PDE1A: variants seen among roughly 807,000 people sequenced by gnomAD.
PDE1A encodes the protein phosphodiesterase 1A.
A neutral mutation model predicts 61.7 loss-of-function variants in PDE1A; 35 were observed. That is an observed-to-expected ratio of 0.57 (90% CI 0.43 to 0.75). PDE1A has a LOEUF of 0.75. Ranked by LOEUF, PDE1A falls within the 30% of genes least tolerant of loss-of-function variation. The probability of loss-of-function intolerance (pLI) is 0.00; values close to 1 mark genes in which losing one functional copy is unlikely to be tolerated. For synonymous variants in PDE1A, 232 were observed against 213.2 expected (o/e 1.09, Z -0.77); for missense variants, 597 against 630.6 (o/e 0.95, Z 0.57).
chr2:182,199,815 A>G (rs1186235920), intron 10 of PDE1A, among the ~76,000 whole-genome samples: 4 of 152,174 alleles, frequency 2.6e-5, no homozygotes, highest in African/African-American at 9.6e-5. Flanking sequence ...AACTTTCTCT[A>G]GGAATATAAA....
chr2:182,627,281 A>AT, the PDE1A span, among the ~76,000 whole-genome samples: 1 of 103,496 alleles, frequency 9.7e-6, no homozygotes, highest in African/African-American at 4.0e-5. Flanking sequence ...ATAATATATA[A>AT]AATATAAATA....
intron 2 of PDE1A, among the ~76,000 whole-genome samples, chr2:182,446,519 G>A (rs889229405): frequency 6.6e-6 from 1 of 152,054 alleles, no homozygotes; most frequent in African/African-American, 2.4e-5. Flanking sequence ...TAAGTATTCT[G>A]TGTCTAAAAT....
the PDE1A span, among the ~76,000 whole-genome samples, chr2:182,615,756 G>A: frequency 6.6e-5 from 10 of 152,252 alleles, no homozygotes; most frequent in South Asian, 2.1e-4. Flanking sequence ...AAGGGCAAGA[G>A]AGCATGCATG....
intron 1 of PDE1A, among the ~76,000 whole-genome samples, chr2:182,359,745 G>T (rs1699392814): frequency 1.3e-5 from 2 of 152,050 alleles, no homozygotes; most frequent in Admixed American, 6.6e-5. Context: ...ACAGGGAAAA[G>T]GTTACAGAAG....
At chr2:182,261,092 G>A (rs376445134) in intron 2 of PDE1A, among the ~76,000 whole-genome samples, 3 of 152,072 alleles carry the variant, frequency 2.0e-5, no homozygotes, top group Non-Finnish European at 4.4e-5. Context: ...CCCTTAATAC[G>A]TGTTAGCTAC....
chr2:182,468,699 A>G (rs1437278904), intron 2 of PDE1A, among the ~76,000 whole-genome samples: 1 of 152,012 alleles, frequency 6.6e-6, no homozygotes, highest in Non-Finnish European at 1.5e-5. Flanking sequence ...GCTCAGATCC[A>G]TCAGAAGAAT....
intron 7 of PDE1A, among the ~76,000 whole-genome samples, chr2:182,215,896 A>C (rs369207667): frequency 1.7e-5 from 2 of 116,292 alleles, no homozygotes; most frequent in East Asian, 2.9e-4. Context: ...AAAAGAGGGA[A>C]TCCTCCCTAA....
the PDE1A span, among the ~76,000 whole-genome samples, chr2:182,635,204 C>T: frequency 6.6e-6 from 1 of 151,092 alleles, no homozygotes; most frequent in Non-Finnish European, 1.5e-5. Context: ...TTTGATGTTG[C>T]TTTTAATACC....
chr2:182,610,185 G>C, the PDE1A span, among the ~76,000 whole-genome samples: 1 of 151,998 alleles, frequency 6.6e-6, no homozygotes, highest in African/African-American at 2.4e-5. Context: ...ATTAGCATTA[G>C]ACCATACCCT....
the PDE1A span, among the ~76,000 whole-genome samples, chr2:182,654,553 T>G: frequency 6.6e-6 from 1 of 152,314 alleles, no homozygotes; most frequent in East Asian, 1.9e-4. Flanking sequence ...CTATTTTAAG[T>G]GCCAGCTCAG....
the PDE1A span, among the ~76,000 whole-genome samples, chr2:182,602,836 A>C: frequency 6.6e-6 from 1 of 152,196 alleles, no homozygotes; most frequent in African/African-American, 2.4e-5. Context: ...GGCCAAGAAT[A>C]AGTGGCTTTC....
At chr2:182,662,604 G>C in the PDE1A span, among the ~76,000 whole-genome samples, 104,128 of 152,020 alleles carry the variant, frequency 0.68, 36,003 homozygotes, top group Middle Eastern at 0.76. Context: ...CTCCCTATTC[G>C]ATAATTGGTG....
At chr2:182,318,566 T>C (rs1035185122) in intron 1 of PDE1A, among the ~76,000 whole-genome samples, 31 of 152,122 alleles carry the variant, frequency 2.0e-4, no homozygotes, top group Non-Finnish European at 2.9e-5. Flanking sequence ...AATGCTGCAA[T>C]AGTAGCATGC....
At chr2:182,277,246 A>G (rs946810021) in intron 1 of PDE1A, among the ~76,000 whole-genome samples, 2 of 152,034 alleles carry the variant, frequency 1.3e-5, no homozygotes, top group African/African-American at 4.8e-5. Flanking sequence ...TCAGTTGGGC[A>G]TCATGGTCCT....
intron 2 of PDE1A, among the ~76,000 whole-genome samples, chr2:182,477,167 T>C (rs1009809019): frequency 6.6e-6 from 1 of 151,930 alleles, no homozygotes; most frequent in Admixed American, 6.6e-5. Flanking sequence ...ATATCCTATA[T>C]TGAGAACCTA....
chr2:182,329,408 A>G (rs1290506877), intron 1 of PDE1A, among the ~76,000 whole-genome samples: 3 of 150,446 alleles, frequency 2.0e-5, no homozygotes, highest in African/African-American at 7.4e-5. Context: ...TTTTTTTTGG[A>G]GATGGAGTTT....
intron 2 of PDE1A, among the ~76,000 whole-genome samples, chr2:182,503,380 G>T (rs552245173): frequency 1.2e-4 from 19 of 152,230 alleles, no homozygotes; most frequent in African/African-American, 4.6e-4. Flanking sequence ...CCACCCTGAT[G>T]CTCCTAAGGT....
exon 1 of PDE1A, chr2:182,426,756 C>T: frequency 2.6e-6 from 4 of 1,515,570 alleles, no homozygotes; most frequent in Non-Finnish European, 3.5e-6. Flanking sequence ...TCCTCTTTCT[C>T]TTTTTGGGTG....
At chr2:182,331,217 G>A (rs1697385534) in intron 1 of PDE1A, among the ~76,000 whole-genome samples, 1 of 152,100 alleles carries the variant, frequency 6.6e-6, no homozygotes. Context: ...TTGACGCTGA[G>A]GAAATTACTT....
Sources: gnomAD v4.1 joint callset for allele counts (sites outside exome capture counted in the v4.1 genomes callset) on GRCh38, gnomAD v4.1.1 for gene constraint, MANE v1.5 for transcripts, NCBI Gene and HGNC (gene_info 2026-07-23, HGNC 2026-07-21) for gene names.